The following ZBTB16 variants were observed in gnomAD, a reference collection of about 807,000 sequenced individuals.
The protein encoded by ZBTB16 is zinc finger and BTB domain containing 16, also known as zinc finger and BTB domain-containing protein 16.
In ZBTB16, 8 loss-of-function variants were observed where a neutral mutation model predicts 56.8. That is an observed-to-expected ratio of 0.14 (90% CI 0.08 to 0.25). The LOEUF is 0.25. ZBTB16 is among the 10% of genes least tolerant of loss of function. The pLI is 1.00. For missense variants in ZBTB16, 625 were observed against 903.0 expected (o/e 0.69, Z 3.95); for synonymous variants, 363 against 368.5 (o/e 0.98, Z 0.17).
chr11:114,153,271 G>A (rs1942321449), intron 2 of ZBTB16, among the ~76,000 whole-genome samples: 1 of 152,196 alleles, frequency 6.6e-6, no homozygotes, highest in South Asian at 2.1e-4. Flanking sequence ...GGCCTGTGAG[G>A]TTGTTCCCTT....
chr11:114,159,521 G>A (rs571227722), intron 3 of ZBTB16, among the ~76,000 whole-genome samples: 5 of 151,938 alleles, frequency 3.3e-5, no homozygotes, highest in Admixed American at 6.6e-5. Context: ...CCTCACCTCC[G>A]TGCTGAGAGG....
intron 4 of ZBTB16, chr11:114,210,765 G>A (rs570191395): frequency 9.2e-6 from 2 of 218,026 alleles, no homozygotes; most frequent in Middle Eastern, 1.4e-3. Flanking sequence ...CAGGGCTCTT[G>A]GGGTCTAAGG....
At chr11:114,238,476 G>A (rs568595317) in intron 4 of ZBTB16, among the ~76,000 whole-genome samples, 3 of 152,048 alleles carry the variant, frequency 2.0e-5, no homozygotes, top group Non-Finnish European at 4.4e-5. Context: ...CTGATTTCTC[G>A]GTGTCCTCAC....
intron 2 of ZBTB16, among the ~76,000 whole-genome samples, chr11:114,127,685 G>T (rs7116229): frequency 0.094 from 14,237 of 152,166 alleles, 1,106 homozygotes; most frequent in African/African-American, 0.22. Context: ...TCAGAATGGG[G>T]TTATTTAGGG....
chr11:114,230,488 G>A (rs996887419), intron 4 of ZBTB16, among the ~76,000 whole-genome samples: 2 of 152,070 alleles, frequency 1.3e-5, no homozygotes, highest in African/African-American at 2.4e-5. Flanking sequence ...GTACAGTACG[G>A]GAAGGCCGCA....
intron 4 of ZBTB16, among the ~76,000 whole-genome samples, chr11:114,193,166 T>A (rs896035304): frequency 4.0e-5 from 6 of 151,774 alleles, no homozygotes; most frequent in African/African-American, 1.2e-4. Context: ...GAGGGAGAGG[T>A]CAGCTACCGA....
At chr11:114,216,485 G>C (rs1944100211) in intron 4 of ZBTB16, among the ~76,000 whole-genome samples, 1 of 152,206 alleles carries the variant, frequency 6.6e-6, no homozygotes, top group African/African-American at 2.4e-5. Context: ...AGGACAGGGG[G>C]AGGGGCTGCT....
chr11:114,131,039 G>A (rs775166183), intron 2 of ZBTB16, among the ~76,000 whole-genome samples: 1 of 152,160 alleles, frequency 6.6e-6, no homozygotes. Flanking sequence ...CACGAGGGCC[G>A]GTATTTTGGT....
At chr11:114,070,094 CTTTTTTTTTTTTTT>C (rs4020465) in intron 2 of ZBTB16, among the ~76,000 whole-genome samples, 1 of 75,966 alleles carries the variant, frequency 1.3e-5, no homozygotes, top group Non-Finnish European at 2.4e-5. Flanking sequence ...GAGTACCTTT[CTTTTTTTTTTTTTT>C]TTTTTTTTTT....
rs1468240199 is a variant in ZBTB16 at position 114,063,011 on chromosome 11, G to A, written c.-90-200G>A. Among the ~76,000 whole-genome samples the A allele has an allele frequency of 6.6e-6, 1 of 152,158 alleles. No homozygotes were observed. The highest frequency in any genetic ancestry group is 6.5e-5 in the Admixed American group (1 of 15,272). ...TGGCAGAACCTTCTTTTTACTCTCAGCATCCCTGGCTTGAAAGGCAGATTT... is the reference window on the plus strand; with the variant it reads ...TGGCAGAACCTTCTTTTTACTCTCAACATCCCTGGCTTGAAAGGCAGATTT... On this transcript the variant is annotated intron_variant, in intron 1 of 6. Transcript: ENST00000335953. This position sits in a 1 kb window ranked among gnomAD's most constrained non-coding sequence, Gnocchi z 6.5.
chr11:114,125,406 G>A (rs953917836), intron 2 of ZBTB16, among the ~76,000 whole-genome samples: 2 of 152,162 alleles, frequency 1.3e-5, no homozygotes, highest in Non-Finnish European at 2.9e-5. Flanking sequence ...TAGGAGACAG[G>A]TGGTATTATC....
chr11:114,144,179 C>CACACAA (rs1210690029), intron 2 of ZBTB16, among the ~76,000 whole-genome samples: 67 of 81,698 alleles, frequency 8.2e-4, no homozygotes, highest in African/African-American at 1.1e-3. Context: ...GTTTGCCAGA[C>CACACAA]ACACACACAC....
chr11:114,237,960 G>A (rs1944626388), intron 4 of ZBTB16, among the ~76,000 whole-genome samples: 2 of 152,190 alleles, frequency 1.3e-5, no homozygotes, highest in East Asian at 3.8e-4. Context: ...TGACCAAGGA[G>A]CACCCCTGCA....
intron 4 of ZBTB16, among the ~76,000 whole-genome samples, chr11:114,219,972 C>T (rs1020470334): frequency 2.6e-5 from 4 of 152,192 alleles, no homozygotes; most frequent in African/African-American, 9.7e-5. Flanking sequence ...TAGTCTGTCC[C>T]AGTTTGACTG....
chr11:114,089,355 T>G (rs1386701524), intron 2 of ZBTB16, among the ~76,000 whole-genome samples: 1 of 152,238 alleles, frequency 6.6e-6, no homozygotes, highest in African/African-American at 2.4e-5. Context: ...TCAGTACCTC[T>G]TGCTGATTTG....
intron 5 of ZBTB16, among the ~76,000 whole-genome samples, chr11:114,243,519 T>G (rs1944755155): frequency 6.6e-6 from 1 of 152,204 alleles, no homozygotes; most frequent in South Asian, 2.1e-4. Context: ...GGGAGCACAT[T>G]GTCTTAGCAT....
intron 2 of ZBTB16, among the ~76,000 whole-genome samples, chr11:114,114,989 G>T (rs993141375): frequency 1.3e-5 from 2 of 152,090 alleles, no homozygotes; most frequent in African/African-American, 4.8e-5. Context: ...GGCCCAGGTC[G>T]TTCCATGCTG....
intron 2 of ZBTB16, among the ~76,000 whole-genome samples, chr11:114,084,610 G>T (rs936847128): frequency 6.6e-6 from 1 of 152,108 alleles, no homozygotes; most frequent in Admixed American, 6.5e-5. Flanking sequence ...GGGGTGAGAA[G>T]GAGCAGGTGC....
intron 5 of ZBTB16, 71 bp from the exon 6 acceptor site, chr11:114,247,127 A>G: frequency 6.2e-7 from 1 of 1,607,414 alleles, no homozygotes; most frequent in South Asian, 1.1e-5. Context: ...CATGCACAGA[A>G]TGTGCCCTAC....
Sources: gnomAD v4.1 joint callset for allele counts (sites outside exome capture counted in the v4.1 genomes callset) on GRCh38, gnomAD v4.1.1 for gene constraint, Gnocchi (gnomAD v3.1) non-coding constraint, MANE v1.5 for transcripts, NCBI Gene and HGNC (gene_info 2026-07-23, HGNC 2026-07-21) for gene names.